The following DCLK1 variants were observed in gnomAD, a reference collection of about 807,000 sequenced individuals.
DCLK1 encodes the protein serine/threonine-protein kinase DCLK1.
DCLK1 carries 16 observed loss-of-function variants against 86.2 expected under a neutral mutation model. The observed-to-expected ratio is 0.19, with a 90% CI of 0.13 to 0.28. DCLK1 has a LOEUF of 0.28. Ranked by LOEUF, DCLK1 falls within the 10% of genes least tolerant of loss-of-function variation. The pLI is 1.00. For missense variants in DCLK1, 590 were observed against 940.2 expected (o/e 0.63, Z 4.87); for synonymous variants, 369 against 370.5 (o/e 1.00, Z 0.05).
intron 4 of DCLK1, among the ~76,000 whole-genome samples, chr13:35,887,191 G>A (rs1009169846): frequency 6.6e-6 from 1 of 152,192 alleles, no homozygotes; most frequent in Non-Finnish European, 1.5e-5. Context: ...AAATTGCTTG[G>A]GGAAATTACA....
intron 3 of DCLK1, among the ~76,000 whole-genome samples, chr13:36,072,024 T>C (rs538025731): frequency 1.4e-4 from 21 of 152,326 alleles, no homozygotes; most frequent in Non-Finnish European, 4.4e-5. Flanking sequence ...AATATCAGAT[T>C]GAAGCCATTC....
intron 8 of DCLK1, among the ~76,000 whole-genome samples, chr13:35,831,880 G>A (rs1183888501): frequency 6.6e-6 from 1 of 152,152 alleles, no homozygotes; most frequent in African/African-American, 2.4e-5. Flanking sequence ...CCAACTTTTG[G>A]TGTTTGTGCT....
chr13:35,861,167 A>G (rs1212630080), intron 5 of DCLK1, among the ~76,000 whole-genome samples: 1 of 152,236 alleles, frequency 6.6e-6, no homozygotes, highest in Non-Finnish European at 1.5e-5. Flanking sequence ...TGGCATCACC[A>G]TAGGGAGAAT....
intron 4 of DCLK1, among the ~76,000 whole-genome samples, chr13:35,937,849 T>A (rs1876849696): frequency 6.6e-6 from 1 of 152,164 alleles, no homozygotes; most frequent in Admixed American, 6.5e-5. Context: ...TATTATTATT[T>A]TTTAGCAATT....
At chr13:35,809,229 A>C (rs2087093460) in intron 12 of DCLK1, 134 bp from the exon 13 acceptor site, 1 of 554,334 alleles carries the variant, frequency 1.8e-6, no homozygotes, top group Admixed American at 3.5e-5. Context: ...AACAAACGCT[A>C]AACTAAAACC....
intron 3 of DCLK1, among the ~76,000 whole-genome samples, chr13:36,002,052 C>A (rs1275947748): frequency 6.6e-6 from 1 of 152,116 alleles, no homozygotes; most frequent in Non-Finnish European, 1.5e-5. Flanking sequence ...TTAAAAACAA[C>A]AACTCTACTC....
At chr13:35,858,195 C>T (rs1005172970) in intron 5 of DCLK1, among the ~76,000 whole-genome samples, 2 of 152,118 alleles carry the variant, frequency 1.3e-5, no homozygotes, top group Non-Finnish European at 1.5e-5. Context: ...GAGATGCTGA[C>T]GTGGCTGATC....
chr13:35,821,460 G>A (rs1035581603), intron 11 of DCLK1, among the ~76,000 whole-genome samples: 2 of 152,018 alleles, frequency 1.3e-5, no homozygotes, highest in Non-Finnish European at 2.9e-5. Context: ...CCAGAAATTT[G>A]CATTTTTAAC....
At chr13:35,816,228 A>C (rs1162413636) in intron 11 of DCLK1, among the ~76,000 whole-genome samples, 1 of 152,232 alleles carries the variant, frequency 6.6e-6, no homozygotes, top group Non-Finnish European at 1.5e-5. Flanking sequence ...ATGTCATAGT[A>C]GGAAAATGAT....
chr13:36,131,664 G>T (rs1886366123), upstream of DCLK1, among the ~76,000 whole-genome samples: 1 of 152,232 alleles, frequency 6.6e-6, no homozygotes, highest in East Asian at 1.9e-4. Context: ...AGAGAACGTG[G>T]ACAGGGCTGA....
chr13:36,037,912 C>T (rs568651348), intron 3 of DCLK1, among the ~76,000 whole-genome samples: 27 of 152,116 alleles, frequency 1.8e-4, no homozygotes, highest in African/African-American at 6.0e-4. Context: ...AAAAAAAGAA[C>T]TTCCAAGGTT....
chr13:35,815,080 T>G (rs374140864), intron 11 of DCLK1, among the ~76,000 whole-genome samples: 1 of 152,164 alleles, frequency 6.6e-6, no homozygotes, highest in Non-Finnish European at 1.5e-5. Context: ...AGGTCAGGTA[T>G]GTAGATTTTG....
At chr13:35,863,093 T>C (rs1259217340) in intron 5 of DCLK1, among the ~76,000 whole-genome samples, 1 of 152,234 alleles carries the variant, frequency 6.6e-6, no homozygotes, top group Admixed American at 6.5e-5. Context: ...TATAGGTTTA[T>C]AGCCTAGGAG....
At chr13:35,968,902 C>A (rs1226041198) in intron 3 of DCLK1, among the ~76,000 whole-genome samples, 2 of 152,186 alleles carry the variant, frequency 1.3e-5, no homozygotes, top group African/African-American at 2.4e-5. Context: ...GACCTCCCAA[C>A]CCATGGCATT....
At position 36,125,939 on chromosome 13, in the gene DCLK1, G is replaced by T; in HGVS notation, c.199C>A (p.Arg67=). The change falls in exon 2 of 17, where the codon CGA becomes AGA. Residue 67 remains arginine, a synonymous_variant. Transcript: ENST00000360631. ...GCATACACAATCCCTTTGAAGTATC[G>T]ATCTCCGTTTCGATAGAAACGAACT... ...KKVRFYRNGD[R]YFKGIVYAIS... is the part of the protein sequence containing the mutation. 14 of 1,614,154 alleles carry T rather than the reference G, an allele frequency of 8.7e-6. No individual in the cohort carries two copies. Among genetic ancestry groups the T allele is most frequent in the Non-Finnish European group, 1.2e-5 (14 of 1,180,020 alleles).
chr13:35,818,207 C>T (rs1283677136), intron 11 of DCLK1, among the ~76,000 whole-genome samples: 1 of 152,150 alleles, frequency 6.6e-6, no homozygotes, highest in Non-Finnish European at 1.5e-5. Flanking sequence ...CTCTGTGGCA[C>T]TCATCTTGTC....
chr13:36,045,326 GTGTGTGTATATA>G (rs1285543041), intron 3 of DCLK1, among the ~76,000 whole-genome samples: 196 of 60,894 alleles, frequency 3.2e-3, no homozygotes, highest in Middle Eastern at 8.3e-3. Flanking sequence ...ATATGTGTGT[GTGTGTGTATATA>G]TATATATATA....
intron 5 of DCLK1, among the ~76,000 whole-genome samples, chr13:35,867,909 A>AAAGAAAGAAAGAAAGAAAG (rs1555345722): frequency 2.0e-5 from 2 of 102,374 alleles, no homozygotes; most frequent in African/African-American, 4.0e-5. Context: ...GAAAGAAAGA[A>AAAGAAAGAAAGAAAGAAAG]AAAGAAAGAA....
intron 3 of DCLK1, among the ~76,000 whole-genome samples, chr13:35,983,956 G>A (rs1281773191): frequency 6.6e-6 from 1 of 152,120 alleles, no homozygotes; most frequent in Non-Finnish European, 1.5e-5. Context: ...ATCTGGGTTT[G>A]ACTTGACCTC....
Sources: allele counts gnomAD v4.1 joint callset (sites outside exome capture counted in the v4.1 genomes callset), GRCh38; gene constraint gnomAD v4.1.1; transcripts MANE v1.5; gene names NCBI Gene and HGNC (gene_info 2026-07-23, HGNC 2026-07-21).